TRIO: variants seen among roughly 807,000 people sequenced by gnomAD.
TRIO encodes trio Rho guanine nucleotide exchange factor.
A neutral mutation model predicts 351.9 loss-of-function variants in TRIO; 58 were observed. That is an observed-to-expected ratio of 0.16 (90% CI 0.13 to 0.21). The LOEUF (loss-of-function observed/expected upper bound fraction) is 0.21. Ranked by LOEUF, TRIO falls within the 10% of genes least tolerant of loss-of-function variation. The probability of loss-of-function intolerance (pLI) is 1.00; values close to 1 mark genes in which losing one functional copy is unlikely to be tolerated. For missense variants in TRIO, 3,201 were observed against 4,027.8 expected, an observed-to-expected ratio of 0.79 and a Z score of 5.56; for synonymous variants, 1,758 against 1,595.7, an observed-to-expected ratio of 1.10 and a Z score of -2.42.
At chr5:14,282,911 A>T (rs1434657696) in intron 3 of TRIO, among the ~76,000 whole-genome samples, 2 of 152,184 alleles carry the variant, frequency 1.3e-5, no homozygotes, top group African/African-American at 4.8e-5. Context: ...ATTAACATGT[A>T]AATGACGCAT....
chr5:14,285,959 C>G (rs954469609), intron 3 of TRIO, among the ~76,000 whole-genome samples: 2 of 152,126 alleles, frequency 1.3e-5, no homozygotes, highest in Non-Finnish European at 2.9e-5. Context: ...TAACCAAGTG[C>G]GACTAAGTAT....
intron 1 of TRIO, among the ~76,000 whole-genome samples, chr5:14,245,614 T>C (rs1794388640): frequency 6.6e-6 from 1 of 151,836 alleles, no homozygotes; most frequent in Admixed American, 6.6e-5. Context: ...GCGTGGAGAG[T>C]CTTGTCTGCA....
In TRIO at chr5:14,366,868, T is replaced by C. The variant is rs200315399; in HGVS notation, c.2763T>C (p.Gly921=). ...CCTGTGTAATGTTTCAGGTGCTGGGTTGGATCCGCAACGGAGAGTCCATGT... is the reference window on the plus strand; with the variant it reads ...CCTGTGTAATGTTTCAGGTGCTGGGCTGGATCCGCAACGGAGAGTCCATGT... ...HLQAEVKQVL[G]WIRNGESMLN... Residue 921 remains glycine (G), a synonymous_variant, in exon 16 of 57, where the codon GGT becomes GGC. Coordinates refer to ENST00000344204, the MANE Select transcript of TRIO (RefSeq NM_007118.4). 170 of 1,614,052 alleles carry C rather than the reference T, an allele frequency of 1.1e-4. No homozygotes were observed. Among genetic ancestry groups the C allele is most frequent in the Non-Finnish European group, 1.4e-4 (162 of 1,180,034 alleles).
At chr5:14,175,513 A>T (rs1057029503) in intron 1 of TRIO, among the ~76,000 whole-genome samples, 3 of 152,190 alleles carry the variant, frequency 2.0e-5, no homozygotes, top group South Asian at 2.1e-4. Context: ...TATAGTATTG[A>T]AAGTTAGAGA....
intron 4 of TRIO, 44 bp downstream of exon 4, chr5:14,287,107 G>T: frequency 1.9e-6 from 3 of 1,578,802 alleles, no homozygotes; most frequent in Non-Finnish European, 2.6e-6. Flanking sequence ...AAGTTGGTGT[G>T]GTTTACTAAA....
intron 12 of TRIO, among the ~76,000 whole-genome samples, 182 bp from the exon 13 acceptor site, chr5:14,359,175 A>G (rs1743901509): frequency 2.0e-5 from 3 of 152,276 alleles, no homozygotes; most frequent in Admixed American, 1.3e-4. Flanking sequence ...CAGATTCAGC[A>G]GGATTGCCCC....
chr5:14,403,479 G>C (rs1321253748), intron 31 of TRIO, among the ~76,000 whole-genome samples: 1 of 96,018 alleles, frequency 1.0e-5, no homozygotes, highest in African/African-American at 4.5e-5. Flanking sequence ...GTTGTGGTGA[G>C]GGTGCAGGTG....
intron 33 of TRIO, among the ~76,000 whole-genome samples, chr5:14,408,858 G>C (rs1748940189): frequency 6.6e-6 from 1 of 151,088 alleles, no homozygotes; most frequent in African/African-American, 2.4e-5. Context: ...GAGTTCAAAA[G>C]TTTATTCTTT....
At chr5:14,447,829 T>C (rs920597154) in intron 34 of TRIO, among the ~76,000 whole-genome samples, 4 of 152,214 alleles carry the variant, frequency 2.6e-5, no homozygotes, top group Admixed American at 1.3e-4. Flanking sequence ...TGCCCATGGG[T>C]TCAACATTCA....
At chr5:14,151,367 ATTGTGTGTGTGTGTGTGT>A (rs1432532493) in intron 1 of TRIO, among the ~76,000 whole-genome samples, 36 of 125,994 alleles carry the variant, frequency 2.9e-4, no homozygotes, top group African/African-American at 1.2e-3. Context: ...CTGTTTTTTC[ATTGTGTGTGTGTGTGTGT>A]TTGTGTGTGT....
chr5:14,205,110 G>A (rs910885804), intron 1 of TRIO, among the ~76,000 whole-genome samples: 1 of 152,198 alleles, frequency 6.6e-6, no homozygotes, highest in African/African-American at 2.4e-5. Flanking sequence ...GGAGGGCACA[G>A]GATTTTATTG....
Position 14,497,949 on chromosome 5 carries a change from G to T in TRIO, c.8047+75G>T. ...GGGGCATGTTTCAGAGCACTTGAGTGTGGCCTCTGGAAATGAGTTTTCCGT... is the reference window on the plus strand; with the variant it reads ...GGGGCATGTTTCAGAGCACTTGAGTTTGGCCTCTGGAAATGAGTTTTCCGT... On this transcript the variant is annotated intron_variant, in intron 51 of 56. Transcript: ENST00000344204. The surrounding 1 kb of genome is among the most constrained non-coding windows in gnomAD (Gnocchi z 4.4). 1 of 1,610,926 alleles carries T rather than the reference G, an allele frequency of 6.2e-7. No individual in the cohort carries two copies. The highest frequency in any genetic ancestry group is 8.5e-7 in the Non-Finnish European group (1 of 1,177,298).
chr5:14,326,422 C>T (rs1400748911), intron 9 of TRIO, among the ~76,000 whole-genome samples: 2 of 152,198 alleles, frequency 1.3e-5, no homozygotes, highest in African/African-American at 4.8e-5. Flanking sequence ...CAAGTGTGCA[C>T]GGTCCACTTT....
intron 34 of TRIO, among the ~76,000 whole-genome samples, chr5:14,454,978 CT>C (rs1234672176): frequency 6.7e-6 from 1 of 149,224 alleles, no homozygotes; most frequent in African/African-American, 2.5e-5. Context: ...GGTGGCACGT[CT>C]GGAGTTGTTT....
intron 1 of TRIO, among the ~76,000 whole-genome samples, chr5:14,219,809 A>G (rs1792476789): frequency 6.6e-6 from 1 of 152,038 alleles, no homozygotes; most frequent in African/African-American, 2.4e-5. Flanking sequence ...GAGGTAAAAT[A>G]GATCAGTATT....
intron 37 of TRIO, among the ~76,000 whole-genome samples, chr5:14,470,778 G>A (rs1191902412): frequency 6.6e-6 from 1 of 152,246 alleles, no homozygotes; most frequent in Admixed American, 6.5e-5. Flanking sequence ...TTTTACCAGA[G>A]TGATTTGTAT....
At chr5:14,434,414 A>C (rs1474936754) in intron 34 of TRIO, among the ~76,000 whole-genome samples, 1 of 151,670 alleles carries the variant, frequency 6.6e-6, no homozygotes, top group East Asian at 1.9e-4. Context: ...GACTTTACCT[A>C]CTTTTTTCTG....
chr5:14,490,911 T>C (rs1220973641), intron 48 of TRIO: 3 of 453,926 alleles, frequency 6.6e-6, no homozygotes, highest in African/African-American at 6.0e-5. Context: ...CTAAAGTCCA[T>C]GCTAAAAGTA....
At chr5:14,443,964 C>T (rs968936974) in intron 34 of TRIO, among the ~76,000 whole-genome samples, 3 of 152,186 alleles carry the variant, frequency 2.0e-5, no homozygotes, top group Non-Finnish European at 4.4e-5. Context: ...CAGTGCTATA[C>T]GTATTCCCCT....
Sources: allele counts gnomAD v4.1 joint callset (sites outside exome capture counted in the v4.1 genomes callset), GRCh38; gene constraint gnomAD v4.1.1; non-coding constraint Gnocchi (gnomAD v3.1); transcripts MANE v1.5; gene names NCBI Gene and HGNC (gene_info 2026-07-23, HGNC 2026-07-21).